Variants in VTA1 observed in about 807,000 individuals in gnomAD.
VTA1 encodes vacuolar protein sorting-associated protein VTA1 homolog.
A neutral mutation model predicts 36.9 loss-of-function variants in VTA1; 24 were observed. The observed-to-expected ratio is 0.65, with a 90% CI of 0.47 to 0.91. VTA1 has a LOEUF of 0.91. Ranked by LOEUF, VTA1 falls within the 40% of genes least tolerant of loss-of-function variation. The pLI is 0.00. For missense variants in VTA1, 393 were observed against 377.2 expected, an observed-to-expected ratio of 1.04 and a Z score of -0.35; for synonymous variants, 142 against 130.2, an observed-to-expected ratio of 1.09 and a Z score of -0.62.
intron 5 of VTA1, among the ~76,000 whole-genome samples, chr6:142,198,115 ATATATG>A (rs1380776592): frequency 2.6e-5 from 2 of 76,492 alleles, no homozygotes; most frequent in African/African-American, 8.1e-5. Flanking sequence ...ATATATATAT[ATATATG>A]TGTGTGTGTG....
At chr6:142,188,565 C>G (rs1775392049) in intron 4 of VTA1, among the ~76,000 whole-genome samples, 1 of 152,100 alleles carries the variant, frequency 6.6e-6, no homozygotes. Flanking sequence ...TATAAATCAC[C>G]TGGTGGTCTT....
At chr6:142,161,937 T>C (rs535631487) in intron 1 of VTA1, among the ~76,000 whole-genome samples, 1 of 152,316 alleles carries the variant, frequency 6.6e-6, no homozygotes, top group East Asian at 1.9e-4. Context: ...TTTAGAAATA[T>C]AAAAGCCAGG....
chr6:142,214,175 A>G (rs529193456), intron 7 of VTA1, among the ~76,000 whole-genome samples: 71 of 152,318 alleles, frequency 4.7e-4, no homozygotes, highest in Middle Eastern at 3.4e-3. Flanking sequence ...CTTTTGTCAG[A>G]TACCCTAAAT....
intron 7 of VTA1, among the ~76,000 whole-genome samples, chr6:142,207,532 G>GTAAT (rs1773759563): frequency 6.6e-6 from 1 of 152,132 alleles, no homozygotes; most frequent in African/African-American, 2.4e-5. Flanking sequence ...CACTGCCAGT[G>GTAAT]TAATCCATTT....
chr6:142,151,848 A>G (rs1413833894), intron 1 of VTA1, among the ~76,000 whole-genome samples: 1 of 152,190 alleles, frequency 6.6e-6, no homozygotes, highest in African/African-American at 2.4e-5. Context: ...AGCCTGGCCA[A>G]TATGGTGAAA....
At chr6:142,187,886 G>A (rs1349507598) in intron 4 of VTA1, among the ~76,000 whole-genome samples, 1 of 150,428 alleles carries the variant, frequency 6.6e-6, no homozygotes. Context: ...TGACTTCGTG[G>A]ATCTTTGCAA....
rs1466192676 is a variant in VTA1 at position 142,147,266 on chromosome 6, A to G, written c.-22A>G. 1.9e-6 allele frequency: 3 copies of G among 1,613,522 alleles called. No individual in the cohort carries two copies. The highest frequency in any genetic ancestry group is 1.6e-4 in the Middle Eastern group (1 of 6,062). On this transcript the variant is annotated 5_prime_UTR_variant, in exon 1 of 8. Transcript: ENST00000367630. Reference sequence around the variant, plus strand: ...GAAGTGCCGGTGGAGCGCGAGTAGGAAGTGGTGAGTTCGGAGTAGAGATGG... The same window carrying G: ...GAAGTGCCGGTGGAGCGCGAGTAGGGAGTGGTGAGTTCGGAGTAGAGATGG...
chr6:142,170,773 A>G (rs1775015331), intron 4 of VTA1, among the ~76,000 whole-genome samples: 1 of 151,944 alleles, frequency 6.6e-6, no homozygotes, highest in Non-Finnish European at 1.5e-5. Context: ...ATCTGGGACT[A>G]CAGGCACAAG....
At chr6:142,168,908 A>AG (rs1350418019) in intron 2 of VTA1, among the ~76,000 whole-genome samples, 1 of 151,720 alleles carries the variant, frequency 6.6e-6, no homozygotes, top group Non-Finnish European at 1.5e-5. Context: ...CTGGGACTAC[A>AG]GCTGCCCGCC....
chr6:142,168,622 A>G (rs1459434257), intron 2 of VTA1, among the ~76,000 whole-genome samples: 2 of 151,566 alleles, frequency 1.3e-5, no homozygotes, highest in East Asian at 3.9e-4. Flanking sequence ...CATTGATTGC[A>G]GGTATATATT....
chr6:142,222,544 T>A lies in VTA1; in HGVS notation c.*3901T>A, dbSNP rs902141887. On this transcript the variant is annotated 3_prime_UTR_variant, in exon 8 of 8. Transcript: ENST00000367630. ...TGTAATTCTAGAAATTTGAGAATTC[T>A]ATGTATGCATTGAAAGATTATATAC... is the stretch of plus-strand genomic sequence containing the variant. The A allele has an allele frequency of 1.5e-5, 2 of 136,402 alleles. No individual in the cohort carries two copies. Among genetic ancestry groups the A allele is most frequent in the South Asian group, 2.4e-4 (1 of 4,172 alleles). The allele number at this position is 136,402 out of a possible 1,614,324, so 8.4% of individuals were successfully genotyped here.
intron 5 of VTA1, among the ~76,000 whole-genome samples, chr6:142,192,264 C>T (rs1250444556): frequency 6.6e-6 from 1 of 151,950 alleles, no homozygotes; most frequent in Non-Finnish European, 1.5e-5. Flanking sequence ...TATATAAAGG[C>T]TTTGTGTTAG....
chr6:142,194,987 A>C (rs1452145762), intron 5 of VTA1, among the ~76,000 whole-genome samples: 1 of 152,088 alleles, frequency 6.6e-6, no homozygotes, highest in Non-Finnish European at 1.5e-5. Flanking sequence ...TCATTGGTAA[A>C]CTTAGTCATG....
intron 7 of VTA1, among the ~76,000 whole-genome samples, chr6:142,204,594 T>A (rs112409652): frequency 0.015 from 2,337 of 152,274 alleles, 48 homozygotes; most frequent in South Asian, 0.07. Context: ...ATTGTGTTTA[T>A]TTTGGTCTTT....
At chr6:142,155,884 C>T (rs562808940) in intron 1 of VTA1, among the ~76,000 whole-genome samples, 2 of 152,196 alleles carry the variant, frequency 1.3e-5, no homozygotes, top group African/African-American at 4.8e-5. Context: ...TTTTCATTTG[C>T]TTGTCTTTCT....
At chr6:142,177,819 G>T (rs980741694) in intron 4 of VTA1, among the ~76,000 whole-genome samples, 2 of 152,054 alleles carry the variant, frequency 1.3e-5, no homozygotes, top group African/African-American at 4.8e-5. Flanking sequence ...ATTTTACTGG[G>T]CTGTATTTAG....
chr6:142,185,837 T>G (rs561565243), intron 4 of VTA1, among the ~76,000 whole-genome samples: 2 of 152,276 alleles, frequency 1.3e-5, no homozygotes, highest in African/African-American at 4.8e-5. Context: ...GAAATTTCAG[T>G]TAGAATCAGT....
intron 5 of VTA1, among the ~76,000 whole-genome samples, chr6:142,189,848 G>A (rs1361476128): frequency 6.6e-6 from 1 of 151,732 alleles, no homozygotes; most frequent in Non-Finnish European, 1.5e-5. Flanking sequence ...GCTCCGCCTC[G>A]CAGGTTCATG....
At chr6:142,215,154 A>G (rs1252846214) in intron 7 of VTA1, among the ~76,000 whole-genome samples, 1 of 152,144 alleles carries the variant, frequency 6.6e-6, no homozygotes, top group East Asian at 1.9e-4. Context: ...TTTTTTGAGC[A>G]TTGGCCAGGC....
Sources: allele counts gnomAD v4.1 joint callset (sites outside exome capture counted in the v4.1 genomes callset), GRCh38; gene constraint gnomAD v4.1.1; transcripts MANE v1.5; gene names NCBI Gene and HGNC (gene_info 2026-07-23, HGNC 2026-07-21).